Variants in AKAP6 observed in about 807,000 individuals in gnomAD.
The protein encoded by AKAP6 is A-kinase anchor protein 6.
Under a neutral mutation model 188.5 loss-of-function variants are expected in AKAP6, and 58 were observed. That is an observed-to-expected ratio of 0.31 (90% CI 0.25 to 0.38). The LOEUF (loss-of-function observed/expected upper bound fraction) is 0.38, where lower values mean the gene tolerates loss of function less well. Ranked by LOEUF, AKAP6 falls within the 10% of genes least tolerant of loss-of-function variation. The pLI is 1.00. For missense variants in AKAP6, 2,710 were observed against 2,740.0 expected (o/e 0.99, Z 0.24); for synonymous variants, 989 against 998.6 (o/e 0.99, Z 0.18).
At chr14:32,733,471 C>T (rs1414125066) in intron 10 of AKAP6, 1 of 152,072 alleles carries the variant, frequency 6.6e-6, no homozygotes, top group East Asian at 1.9e-4. Flanking sequence ...ATTTTGCATG[C>T]CTTCCATTTT....
At chr14:32,586,871 T>C (rs553475022) in intron 5 of AKAP6, among the ~76,000 whole-genome samples, 41 of 152,332 alleles carry the variant, frequency 2.7e-4, no homozygotes, top group African/African-American at 9.4e-4. Flanking sequence ...TCATGTTGGG[T>C]ACTATAAGTA....
chr14:32,685,394 G>A (rs1566646009), intron 8 of AKAP6, among the ~76,000 whole-genome samples: 1 of 152,114 alleles, frequency 6.6e-6, no homozygotes, highest in African/African-American at 2.4e-5. Flanking sequence ...GGGAACATCT[G>A]AGCTGTCTTA....
chr14:32,700,850 T>C (rs569228189), intron 9 of AKAP6, among the ~76,000 whole-genome samples: 2 of 152,216 alleles, frequency 1.3e-5, no homozygotes, highest in Non-Finnish European at 2.9e-5. Context: ...GGAGAGATTA[T>C]AGCAGGGATA....
In AKAP6 at chr14:32,823,335, A is replaced by G; in HGVS notation, c.5522A>G (p.Asp1841Gly). Residue 1841 changes from aspartate (D) to glycine (G), a missense_variant, in exon 13 of 14, where the codon GAT becomes GGT. Asp to Gly is a moderately conservative substitution (Grantham distance 94, BLOSUM62 -1). Transcript: ENST00000280979. ...ISSSEMTNPS[D>G]TLNIETLLNG... ...AGCAGTGAGATGACCAATCCCTCTG[A>G]TACTCTGAATATTGAGACCCTTCTA... is the stretch of plus-strand genomic sequence containing the variant. 1 of 1,613,888 alleles carries G rather than the reference A, an allele frequency of 6.2e-7. No individual in the cohort carries two copies. Among genetic ancestry groups the G allele is most frequent in the Non-Finnish European group, 8.5e-7 (1 of 1,179,920 alleles).
chr14:32,678,565 G>A, intron 8 of AKAP6, 106 bp downstream of exon 8: 1 of 1,321,662 alleles, frequency 7.6e-7, no homozygotes, highest in East Asian at 2.4e-5. Flanking sequence ...AAACCGACAA[G>A]GAGAAGCTCA....
At chr14:32,522,186 T>G (rs535067702) in intron 2 of AKAP6, among the ~76,000 whole-genome samples, 1 of 152,158 alleles carries the variant, frequency 6.6e-6, no homozygotes, top group Non-Finnish European at 1.5e-5. Context: ...CAAAAATTAA[T>G]TCAATATGGA....
At chr14:32,500,283 C>A (rs1188637162) in intron 2 of AKAP6, among the ~76,000 whole-genome samples, 3 of 152,202 alleles carry the variant, frequency 2.0e-5, no homozygotes, top group Admixed American at 2.0e-4. Context: ...GTTACCCACA[C>A]ATAACCCATG....
At chr14:32,703,537 C>T (rs1284974038) in intron 9 of AKAP6, among the ~76,000 whole-genome samples, 1 of 152,168 alleles carries the variant, frequency 6.6e-6, no homozygotes, top group Non-Finnish European at 1.5e-5. Flanking sequence ...GCCAAGTGTT[C>T]TGCAAATTAA....
intron 2 of AKAP6, among the ~76,000 whole-genome samples, chr14:32,477,278 G>A (rs1879117705): frequency 6.6e-6 from 1 of 152,176 alleles, no homozygotes; most frequent in Non-Finnish European, 1.5e-5. Flanking sequence ...ATTGTTTTAA[G>A]CTACTGCTAC....
intron 7 of AKAP6, among the ~76,000 whole-genome samples, chr14:32,645,684 A>C (rs188095242): frequency 2.6e-5 from 4 of 152,284 alleles, no homozygotes; most frequent in Admixed American, 2.6e-4. Context: ...TGTTGAATTC[A>C]AGTAAGTCTG....
intron 1 of AKAP6, among the ~76,000 whole-genome samples, chr14:32,421,589 G>C (rs1458343743): frequency 6.6e-6 from 1 of 151,890 alleles, no homozygotes; most frequent in Non-Finnish European, 1.5e-5. Flanking sequence ...TCCATGGATG[G>C]TGTGTTTCCT....
At chr14:32,818,768 C>A (rs2034450394) in intron 12 of AKAP6, among the ~76,000 whole-genome samples, 1 of 152,012 alleles carries the variant, frequency 6.6e-6, no homozygotes, top group South Asian at 2.1e-4. Context: ...GGCTTAGCTC[C>A]CAGCCCATCC....
intron 7 of AKAP6, among the ~76,000 whole-genome samples, chr14:32,652,964 G>A (rs149169046): frequency 2.4e-3 from 364 of 152,100 alleles, no homozygotes; most frequent in African/African-American, 8.5e-3. Context: ...GAGGTGGGAG[G>A]GTCACTTGAG....
intron 12 of AKAP6, among the ~76,000 whole-genome samples, chr14:32,787,185 C>G (rs549036567): frequency 6.6e-6 from 1 of 152,292 alleles, no homozygotes; most frequent in South Asian, 2.1e-4. Context: ...AATGATCAGA[C>G]AGCTCACTTT....
At chr14:32,658,575 A>G (rs1594819497) in intron 7 of AKAP6, among the ~76,000 whole-genome samples, 1 of 152,060 alleles carries the variant, frequency 6.6e-6, no homozygotes, top group Non-Finnish European at 1.5e-5. Flanking sequence ...AATTACCTAT[A>G]TTAATGGAAT....
At chr14:32,551,728 G>A (rs561860452) in intron 4 of AKAP6, among the ~76,000 whole-genome samples, 12 of 151,596 alleles carry the variant, frequency 7.9e-5, no homozygotes, top group African/African-American at 1.2e-4. Context: ...GCACGATCTC[G>A]GCTCACTGCA....
At chr14:32,732,340 T>C (rs148234358) in intron 9 of AKAP6, 114 bp from the exon 10 acceptor site, 1 of 1,214,470 alleles carries the variant, frequency 8.2e-7, no homozygotes, top group African/African-American at 1.5e-5. Flanking sequence ...TCCCCATAAA[T>C]TTTATTGGGA....
At chr14:32,718,295 C>A (rs1187270834) in intron 9 of AKAP6, 5 of 985,228 alleles carry the variant, frequency 5.1e-6, no homozygotes, top group Non-Finnish European at 4.8e-6. Flanking sequence ...GACAGTCAAG[C>A]TTTCTGAGGC....
At chr14:32,485,600 ATAAATGT>A (rs1159697893) in intron 2 of AKAP6, among the ~76,000 whole-genome samples, 41 of 152,330 alleles carry the variant, frequency 2.7e-4, no homozygotes, top group African/African-American at 9.4e-4. Context: ...TGTTGGCTGC[ATAAATGT>A]CTTCTTTTGA....
Sources: gnomAD v4.1 joint callset for allele counts (sites outside exome capture counted in the v4.1 genomes callset) on GRCh38, gnomAD v4.1.1 for gene constraint, MANE v1.5 for transcripts, NCBI Gene and HGNC (gene_info 2026-07-23, HGNC 2026-07-21) for gene names.